ARAP2: variants seen among roughly 807,000 people sequenced by gnomAD.
The protein encoded by ARAP2 is ArfGAP with RhoGAP domain, ankyrin repeat and PH domain 2.
A neutral mutation model predicts 194.5 loss-of-function variants in ARAP2; 148 were observed. The ratio of observed to expected loss-of-function variants is 0.76; its 90% CI spans 0.67 to 0.87. The LOEUF is 0.87. ARAP2 is among the 40% of genes least tolerant of loss of function. The pLI, the probability that ARAP2 is intolerant of heterozygous loss-of-function variation, is 0.00. For missense variants in ARAP2, 2,128 were observed against 1,989.7 expected (o/e 1.07, Z -1.32); for synonymous variants, 695 against 683.5 (o/e 1.02, Z -0.26).
At chr4:36,117,918 A>G (rs892293674) in intron 24 of ARAP2, among the ~76,000 whole-genome samples, 1 of 151,550 alleles carries the variant, frequency 6.6e-6, no homozygotes, top group Admixed American at 6.6e-5. Flanking sequence ...TCTATGAAAA[A>G]TATTTTGAGT....
intron 29 of ARAP2, 109 bp downstream of exon 29, chr4:36,083,258 TA>T: frequency 2.4e-6 from 2 of 824,738 alleles, no homozygotes; most frequent in South Asian, 1.6e-5. Flanking sequence ...AAAAATAGCC[TA>T]AAACTTACTT....
intron 2 of ARAP2, among the ~76,000 whole-genome samples, chr4:36,215,935 A>G (rs559982841): frequency 5.9e-5 from 9 of 152,288 alleles, no homozygotes; most frequent in African/African-American, 2.2e-4. Context: ...CTCTACAAAA[A>G]TAAGTAATAA....
At chr4:36,019,747 G>C (rs116353194) in intron 5 of ARAP2, among the ~76,000 whole-genome samples, 2,655 of 152,220 alleles carry the variant, frequency 0.017, 38 homozygotes, top group South Asian at 0.037. Flanking sequence ...GTGAAGGTAG[G>C]AGTGGTGAGA....
At chr4:36,149,476 T>C (rs1356018208) in intron 16 of ARAP2, among the ~76,000 whole-genome samples, 2 of 152,234 alleles carry the variant, frequency 1.3e-5, no homozygotes, top group African/African-American at 4.8e-5. Flanking sequence ...CTCTCCAATG[T>C]GTTATTTGAG....
chr4:36,010,457 A>T (rs549526821), intron 9 of ARAP2, among the ~76,000 whole-genome samples: 2 of 152,152 alleles, frequency 1.3e-5, no homozygotes, highest in East Asian at 3.9e-4. Context: ...GCCTATTTGT[A>T]CATTTTATGG....
At chr4:36,074,720 A>T (rs530490430) in intron 31 of ARAP2, among the ~76,000 whole-genome samples, 1 of 152,036 alleles carries the variant, frequency 6.6e-6, no homozygotes, top group South Asian at 2.1e-4. Context: ...CTAAATGCCT[A>T]CTCTTTATTT....
chr4:36,147,178 T>C (rs1729827462), intron 19 of ARAP2, 118 bp downstream of exon 19: 2 of 812,054 alleles, frequency 2.5e-6, no homozygotes, highest in Non-Finnish European at 4.0e-6. Context: ...ATTTATATGA[T>C]TCAGAAAATT....
intron 22 of ARAP2, among the ~76,000 whole-genome samples, chr4:36,122,550 T>C (rs2109550362): frequency 6.6e-6 from 1 of 151,800 alleles, no homozygotes; most frequent in Admixed American, 6.6e-5. Flanking sequence ...CACTTATAAG[T>C]GGGAGCTAAA....
Position 36,067,960 on chromosome 4 carries a change from G to A in ARAP2, c.5062C>T (p.Gln1688Ter), listed in dbSNP as rs1725867608. 6.2e-7 allele frequency: 1 copy of A among 1,613,722 alleles called. No homozygotes were observed. The highest frequency in any genetic ancestry group is 8.5e-7 in the Non-Finnish European group (1 of 1,179,776). ...RVIEELNVVL[Q>*]RSRTLPKELQ... is the part of the protein sequence containing the mutation. ...TCTTTTGGAAGGGTTCTTGACCGTT[G>A]TAGAACCACATTAAGTTCTTCAATT... Residue 1688 changes from glutamine (Q) to a stop codon, truncating the protein, a stop_gained, in exon 33 of 33, where the codon CAA becomes TAA. Transcript: ENST00000303965. LOFTEE classifies it high-confidence loss of function.
Position 36,089,505 on chromosome 4 carries a change from G to A in ARAP2, c.4425+2376C>T, listed in dbSNP as rs537551781. ...ATGTTAGTAACTTCATTTAAAAACTGACAAACAGTTTTACAGAGTGATTGT... is the reference window on the plus strand; with the variant it reads ...ATGTTAGTAACTTCATTTAAAAACTAACAAACAGTTTTACAGAGTGATTGT... On this transcript the variant is annotated intron_variant, in intron 28 of 32. Coordinates refer to ENST00000303965, the MANE Select transcript of ARAP2 (RefSeq NM_015230.4). 1.8e-3 allele frequency among the ~76,000 whole-genome samples: 271 copies of A among 152,130 alleles called. 1 individual carries two copies. Among genetic ancestry groups the A allele is most frequent in the African/African-American group, 6.1e-3 (253 of 41,540 alleles).
chr4:36,100,588 A>T (rs1187306139), intron 27 of ARAP2, among the ~76,000 whole-genome samples: 1 of 151,998 alleles, frequency 6.6e-6, no homozygotes, highest in Non-Finnish European at 1.5e-5. Flanking sequence ...TTTTCTTCAG[A>T]ATTGATTGTA....
At chr4:36,035,365 C>G (rs1719729802) in intron 5 of ARAP2, among the ~76,000 whole-genome samples, 2 of 151,976 alleles carry the variant, frequency 1.3e-5, no homozygotes, top group South Asian at 4.2e-4. Flanking sequence ...TGGACCATTT[C>G]TTCTCATTGG....
At chr4:36,068,345 A>G (rs1726002148) in intron 32 of ARAP2, 67 bp from the exon 33 acceptor site, 10 of 1,466,512 alleles carry the variant, frequency 6.8e-6, no homozygotes, top group Non-Finnish European at 9.0e-6. Context: ...AGAAAGTGCA[A>G]TCCACATAAA....
chr4:36,196,857 T>C (rs977560758), intron 6 of ARAP2, among the ~76,000 whole-genome samples: 2 of 151,696 alleles, frequency 1.3e-5, no homozygotes, highest in Non-Finnish European at 2.9e-5. Flanking sequence ...CCTTCCCATA[T>C]GCCATTGTCT....
downstream of ARAP2, among the ~76,000 whole-genome samples, chr4:36,062,228 T>C (rs1047895816): frequency 6.6e-6 from 1 of 152,164 alleles, no homozygotes; most frequent in Admixed American, 6.5e-5. Context: ...GCCCAGCCCG[T>C]TGTCCTAAAA....
chr4:36,155,396 T>A (rs1469228126), intron 15 of ARAP2, among the ~76,000 whole-genome samples: 2 of 152,152 alleles, frequency 1.3e-5, no homozygotes, highest in Non-Finnish European at 2.9e-5. Flanking sequence ...CCTCACTAAC[T>A]AGGGGGCACT....
chr4:36,145,121 A>C (rs9991952), intron 19 of ARAP2, among the ~76,000 whole-genome samples: 16,940 of 151,836 alleles, frequency 0.11, 1,554 homozygotes, highest in African/African-American at 0.24. Flanking sequence ...CAGTTTGAAG[A>C]TTTCCCAAAG....
At chr4:36,207,263 T>G (rs918617336) in intron 6 of ARAP2, among the ~76,000 whole-genome samples, 3 of 152,248 alleles carry the variant, frequency 2.0e-5, no homozygotes, top group African/African-American at 7.2e-5. Context: ...GAAGATGATT[T>G]ATTTTAATCC....
chr4:36,188,066 C>T (rs746653779), intron 7 of ARAP2, among the ~76,000 whole-genome samples: 1 of 152,092 alleles, frequency 6.6e-6, no homozygotes, highest in African/African-American at 2.4e-5. Flanking sequence ...AGCATCTCAA[C>T]CTCAAACTGT....
Sources: gnomAD v4.1 joint callset for allele counts (sites outside exome capture counted in the v4.1 genomes callset) on GRCh38, gnomAD v4.1.1 for gene constraint, MANE v1.5 for transcripts, NCBI Gene and HGNC (gene_info 2026-07-23, HGNC 2026-07-21) for gene names.